KIF5B: variants seen among roughly 807,000 people sequenced by gnomAD.
The protein encoded by KIF5B is kinesin-1 heavy chain.
A neutral mutation model predicts 132.8 loss-of-function variants in KIF5B; 49 were observed. The ratio of observed to expected loss-of-function variants is 0.37; its 90% CI spans 0.29 to 0.47. KIF5B has a LOEUF of 0.47. Ranked by LOEUF, KIF5B falls within the 20% of genes least tolerant of loss-of-function variation. The pLI is 1.00. For synonymous variants in KIF5B, 355 were observed against 369.4 expected (o/e 0.96, Z 0.45); for missense variants, 780 against 1,144.0 (o/e 0.68, Z 4.59).
At position 32,018,135 on chromosome 10, in the gene KIF5B, CA is replaced by C; in HGVS notation, c.2460del (p.Asp820GlufsTer55). 6.2e-7 allele frequency: 1 copy of C among 1,608,598 alleles called. No homozygotes were observed. Among genetic ancestry groups the C allele is most frequent in the Non-Finnish European group, 8.5e-7 (1 of 1,176,846 alleles). ...TTCTGAGCAGCGCTGCCTCCGGTGT[CA>C]TCAGAATCAATCTCAGCACTCTGAG... ...RVKKSAEIDS[D>X]DTGGSAAQKQ... is the part of the protein sequence containing the mutation. On this transcript the variant is annotated frameshift_variant, in exon 23 of 26. Transcript: ENST00000302418. LOFTEE classifies it high-confidence loss of function.
At chr10:32,038,938 C>A in intron 4 of KIF5B, 112 bp from the exon 5 acceptor site, 1 of 676,740 alleles carries the variant, frequency 1.5e-6, no homozygotes, top group Non-Finnish European at 2.6e-6. Flanking sequence ...TATCAACATA[C>A]CAGCCATAGC....
Position 32,040,429 on chromosome 10 carries a change from T to C in KIF5B, c.243A>G (p.Ile81Met), listed in dbSNP as rs147256984. 9 of 1,599,448 alleles carry C rather than the reference T, an allele frequency of 5.6e-6. No individual in the cohort carries two copies. The highest frequency in any genetic ancestry group is 7.7e-6 in the Non-Finnish European group (9 of 1,166,950). ...CAGAGGATGTTTGTCCATATGCAAATATTGTTCCATTATATCCTTCAAGTA... is the reference window on the plus strand; with the variant it reads ...CAGAGGATGTTTGTCCATATGCAAACATTGTTCCATTATATCCTTCAAGTA... ...KDVLEGYNGT[I>M]FAYGQTSSGK... Residue 81 changes from isoleucine to methionine, a missense_variant, in exon 3 of 26, where the codon ATA (isoleucine) becomes ATG (methionine). Coordinates refer to ENST00000302418, the MANE Select transcript of KIF5B (RefSeq NM_004521.3).
intron 1 of KIF5B, among the ~76,000 whole-genome samples, chr10:32,054,338 A>AT (rs1841727853): frequency 6.6e-6 from 1 of 152,212 alleles, no homozygotes; most frequent in Admixed American, 6.5e-5. Context: ...CTATGATGTC[A>AT]TTTACACACG....
At chr10:32,045,896 A>G (rs1050471089) in intron 2 of KIF5B, among the ~76,000 whole-genome samples, 1 of 152,234 alleles carries the variant, frequency 6.6e-6, no homozygotes, top group Admixed American at 6.5e-5. Flanking sequence ...AAACAGTGTG[A>G]TTGAAATAAC....
intron 25 of KIF5B, among the ~76,000 whole-genome samples, chr10:32,014,535 C>T (rs1273755297): frequency 6.9e-6 from 1 of 145,340 alleles, no homozygotes; most frequent in Non-Finnish European, 1.5e-5. Flanking sequence ...AAAACTAATA[C>T]AGAAAGCTCC....
intron 20 of KIF5B, 73 bp downstream of exon 20, chr10:32,019,785 T>C: frequency 1.0e-6 from 1 of 979,000 alleles, no homozygotes; most frequent in Non-Finnish European, 1.6e-6. Flanking sequence ...CCACTGGCTA[T>C]ATCCAAAGGT....
At chr10:32,047,216 T>A (rs1219612415) in intron 2 of KIF5B, among the ~76,000 whole-genome samples, 1 of 152,188 alleles carries the variant, frequency 6.6e-6, no homozygotes, top group East Asian at 1.9e-4. Context: ...TCCAGTACCC[T>A]GATTCCAACA....
intron 17 of KIF5B, 102 bp downstream of exon 17, chr10:32,022,038 C>T: frequency 1.6e-6 from 1 of 630,584 alleles, no homozygotes; most frequent in Non-Finnish European, 2.8e-6. Context: ...CATTCGAAAT[C>T]AGCCATATTC....
chr10:32,048,393 T>C (rs576318664), intron 2 of KIF5B, 71 bp downstream of exon 2: 1 of 999,976 alleles, frequency 1.0e-6, no homozygotes, highest in Non-Finnish European at 1.5e-6. Flanking sequence ...AAAAGGAAGC[T>C]GAGTAAGTAG....
At chr10:32,026,708 T>C (rs935633877) in intron 15 of KIF5B, among the ~76,000 whole-genome samples, 4 of 152,102 alleles carry the variant, frequency 2.6e-5, no homozygotes, top group African/African-American at 4.8e-5. Context: ...TCATAATTAT[T>C]TGAACATAAA....
intron 25 of KIF5B, among the ~76,000 whole-genome samples, chr10:32,012,292 G>A (rs900046909): frequency 6.6e-6 from 1 of 152,108 alleles, no homozygotes; most frequent in Non-Finnish European, 1.5e-5. Context: ...GGCCAACATG[G>A]CAAAACCCCG....
intron 1 of KIF5B, among the ~76,000 whole-genome samples, chr10:32,052,099 G>T (rs1415015788): frequency 6.6e-6 from 1 of 152,182 alleles, no homozygotes; most frequent in Non-Finnish European, 1.5e-5. Flanking sequence ...TAAGGGAAGT[G>T]ATTCCTGTTT....
chr10:32,024,435 T>G (rs2132589958), intron 15 of KIF5B, among the ~76,000 whole-genome samples: 1 of 148,344 alleles, frequency 6.7e-6, no homozygotes, highest in East Asian at 2.1e-4. Context: ...ATTACAGGCG[T>G]GAGCCACCGC....
At chr10:32,051,208 G>A (rs1841690027) in intron 1 of KIF5B, among the ~76,000 whole-genome samples, 1 of 152,140 alleles carries the variant, frequency 6.6e-6, no homozygotes, top group Non-Finnish European at 1.5e-5. Context: ...ACAGGCATGT[G>A]CCACCACGCC....
At chr10:32,028,012 G>A (rs992111690) in intron 15 of KIF5B, among the ~76,000 whole-genome samples, 1 of 150,752 alleles carries the variant, frequency 6.6e-6, no homozygotes, top group African/African-American at 2.4e-5. Context: ...TTGATCTGTT[G>A]TGCAGGCTGG....
chr10:32,053,273 A>T (rs1173526278), intron 1 of KIF5B, among the ~76,000 whole-genome samples: 3 of 152,208 alleles, frequency 2.0e-5, no homozygotes, highest in African/African-American at 7.2e-5. Flanking sequence ...TAATTCATTT[A>T]AAAAACTGAA....
At position 32,034,049 on chromosome 10, in the gene KIF5B, AAAAT is replaced by A; in HGVS notation, c.1112-15_1112-12del. On this transcript the variant is annotated splice_polypyrimidine_tract_variant and intron_variant, in intron 11 of 25. Coordinates refer to ENST00000302418, the MANE Select transcript of KIF5B (RefSeq NM_004521.3). Reference sequence around the variant, plus strand: ...TAGGCACCGTCTCCCCTAAAATAAGAAAATAAAGTGGTTAATAAAAAAACGACGT... The same window carrying A: ...TAGGCACCGTCTCCCCTAAAATAAGAAAAGTGGTTAATAAAAAAACGACGT... 1 of 1,506,566 alleles carries A rather than the reference AAAAT, an allele frequency of 6.6e-7. No homozygotes were observed. Among genetic ancestry groups the A allele is most frequent in the South Asian group, 1.3e-5 (1 of 76,430 alleles). The allele number at this position is 1,506,566 out of a possible 1,614,324, so 93.3% of individuals were successfully genotyped here. A position where few individuals can be genotyped will look rare whatever the true frequency, so the allele number is the denominator to read the frequency against.
rs532228096 is a variant in KIF5B, at chr10:32,033,904, C to T, written c.1246G>A (p.Ala416Thr). ...TCTTCTTCACACTTTCTTCTTTCAG[C>T]ATCAGTAAAATTTCCTATAACTCCA... Reference protein sequence around the residue: ...AIGVIGNFTDAERRKCEEEIA... With the variant: ...AIGVIGNFTDTERRKCEEEIA... Residue 416 changes from alanine to threonine, a missense_variant, in exon 12 of 26, where the codon GCT becomes ACT. Coordinates refer to ENST00000302418, the MANE Select transcript of KIF5B (RefSeq NM_004521.3). 32 of 1,613,254 alleles carry T rather than the reference C, an allele frequency of 2.0e-5. 1 individual carries two copies. In the African/African-American group the frequency reaches 4.3e-4, roughly 22 times the overall value.
At chr10:32,016,896 T>C (rs1841177902) in intron 24 of KIF5B, among the ~76,000 whole-genome samples, 1 of 152,242 alleles carries the variant, frequency 6.6e-6, no homozygotes, top group Non-Finnish European at 1.5e-5. Context: ...GCAATTCTCT[T>C]GGCTTTAATA....
Sources: allele counts gnomAD v4.1 joint callset (sites outside exome capture counted in the v4.1 genomes callset), GRCh38; gene constraint gnomAD v4.1.1; transcripts MANE v1.5; gene names NCBI Gene and HGNC (gene_info 2026-07-23, HGNC 2026-07-21).